Variants in SLC2A13 observed in about 807,000 individuals in gnomAD.
The protein encoded by SLC2A13 is solute carrier family 2 member 13.
Under a neutral mutation model 64.4 loss-of-function variants are expected in SLC2A13, and 32 were observed. That is an observed-to-expected ratio of 0.50 (90% CI 0.37 to 0.67). The LOEUF (loss-of-function observed/expected upper bound fraction) is 0.67, where lower values mean the gene tolerates loss of function less well. SLC2A13 is among the 30% of genes least tolerant of loss of function. The probability of loss-of-function intolerance (pLI) is 0.00; values close to 1 mark genes in which losing one functional copy is unlikely to be tolerated. For missense variants in SLC2A13, 743 were observed against 829.2 expected, an observed-to-expected ratio of 0.90 and a Z score of 1.28; for synonymous variants, 338 against 327.1, an observed-to-expected ratio of 1.03 and a Z score of -0.36.
chr12:39,959,479 C>T (rs1368898842), intron 3 of SLC2A13, among the ~76,000 whole-genome samples: 4 of 152,162 alleles, frequency 2.6e-5, no homozygotes, highest in Non-Finnish European at 5.9e-5. Flanking sequence ...ATTATTATTC[C>T]AGGTTGCTAA....
intron 7 of SLC2A13, among the ~76,000 whole-genome samples, chr12:39,827,187 A>C (rs1446679745): frequency 6.6e-6 from 1 of 151,584 alleles, no homozygotes; most frequent in Non-Finnish European, 1.5e-5. Flanking sequence ...CTTTTCATTC[A>C]ATTTATTTAT....
chr12:39,956,700 C>T (rs1946318995), intron 3 of SLC2A13, among the ~76,000 whole-genome samples: 1 of 152,130 alleles, frequency 6.6e-6, no homozygotes, highest in Non-Finnish European at 1.5e-5. Context: ...AATGATGAAG[C>T]CCCCTTAACA....
intron 2 of SLC2A13, 40 bp from the exon 3 acceptor site, chr12:40,028,549 T>C (rs759554709): frequency 1.7e-4 from 267 of 1,602,238 alleles, no homozygotes; most frequent in Non-Finnish European, 1.9e-4. Context: ...TAAAATTTGC[T>C]CTTACCATCA....
At position 40,028,346 on chromosome 12, in the gene SLC2A13, T is replaced by C; in HGVS notation, c.880A>G (p.Ser294Gly). The C allele has an allele frequency of 6.2e-7, 1 of 1,614,072 alleles. No homozygotes were observed. Among genetic ancestry groups the C allele is most frequent in the Non-Finnish European group, 8.5e-7 (1 of 1,179,980 alleles). The change falls in exon 3 of 10, where the codon AGC (serine) becomes GGC (glycine). Residue 294 changes from serine to glycine, a missense_variant. Physicochemically the swap from Ser to Gly is moderately conservative, Grantham distance 56. Transcript: ENST00000280871. ...TCCTCTTCAATGTTGTTTTTGATGC[T>C]ATCATATTCCTCATCAATGGTCTGG... is the stretch of plus-strand genomic sequence containing the variant. ...GNQTIDEEYD[S>G]IKNNIEEEEK...
chr12:39,860,015 C>T (rs1943714761), intron 6 of SLC2A13, among the ~76,000 whole-genome samples: 1 of 152,024 alleles, frequency 6.6e-6, no homozygotes, highest in South Asian at 2.1e-4. Flanking sequence ...TGTCCTTGGT[C>T]CAAAGCAAGA....
intron 3 of SLC2A13, among the ~76,000 whole-genome samples, chr12:39,959,773 A>G (rs1262676339): frequency 6.6e-6 from 1 of 152,152 alleles, no homozygotes; most frequent in Non-Finnish European, 1.5e-5. Flanking sequence ...TTATTTAAAA[A>G]GAGGAAGTAT....
chr12:39,969,326 T>G (rs889771972), intron 3 of SLC2A13, among the ~76,000 whole-genome samples: 67 of 152,174 alleles, frequency 4.4e-4, no homozygotes, highest in African/African-American at 1.4e-3. Flanking sequence ...GTAATGGGAT[T>G]GCTGGGTCAA....
At chr12:40,011,874 G>A (rs1303686863) in intron 3 of SLC2A13, among the ~76,000 whole-genome samples, 5 of 152,184 alleles carry the variant, frequency 3.3e-5, no homozygotes, top group African/African-American at 4.8e-5. Context: ...TGACAGAAGA[G>A]GATTAAACCA....
Position 39,972,988 on chromosome 12 carries a change from AC to A in SLC2A13, c.926-21624del, listed in dbSNP as rs574311667. 8.2e-3 allele frequency among the ~76,000 whole-genome samples: 1,240 copies of A among 152,088 alleles called. 6 individuals carry two copies. Among genetic ancestry groups the A allele is most frequent in the Non-Finnish European group, 0.013 (917 of 67,984 alleles). On this transcript the variant is annotated intron_variant, in intron 3 of 9. Transcript: ENST00000280871. ...AGGCTGAGGCAGGAGAATTGCTTGA[AC>A]CTGGCAGGTGGAGTCTGCAGTGAGC... is the stretch of plus-strand genomic sequence containing the variant.
intron 4 of SLC2A13, among the ~76,000 whole-genome samples, chr12:39,895,750 G>A (rs1417456697): frequency 2.4e-5 from 2 of 84,822 alleles, no homozygotes; most frequent in Admixed American, 1.3e-4. Context: ...ACATGTATAT[G>A]CGTGTATACG....
At chr12:40,090,445 T>C (rs1222525942) in intron 1 of SLC2A13, among the ~76,000 whole-genome samples, 1 of 152,198 alleles carries the variant, frequency 6.6e-6, no homozygotes, top group Non-Finnish European at 1.5e-5. Flanking sequence ...TGAGTTTATG[T>C]CTATAAATCA....
At chr12:40,060,539 G>A (rs2136251343) in intron 1 of SLC2A13, among the ~76,000 whole-genome samples, 1 of 152,194 alleles carries the variant, frequency 6.6e-6, no homozygotes, top group Non-Finnish European at 1.5e-5. Context: ...TACAAAAGTA[G>A]GAAACAAGAA....
At chr12:39,773,572 A>G (rs1165847154) in intron 7 of SLC2A13, among the ~76,000 whole-genome samples, 1 of 152,244 alleles carries the variant, frequency 6.6e-6, no homozygotes, top group Admixed American at 6.5e-5. Flanking sequence ...CCTAAGAAAT[A>G]ACCAAAGGAA....
intron 7 of SLC2A13, among the ~76,000 whole-genome samples, chr12:39,776,221 C>A (rs1940770849): frequency 6.6e-6 from 1 of 151,834 alleles, no homozygotes; most frequent in African/African-American, 2.4e-5. Context: ...TGTGCGGTTC[C>A]TTCATATTGA....
intron 3 of SLC2A13, among the ~76,000 whole-genome samples, chr12:39,972,592 T>G (rs1946683443): frequency 6.6e-6 from 1 of 152,134 alleles, no homozygotes; most frequent in African/African-American, 2.4e-5. Context: ...CCTATAATTA[T>G]CTCTCCCTCA....
At chr12:39,946,295 C>T (rs61931460) in intron 4 of SLC2A13, among the ~76,000 whole-genome samples, 4,419 of 152,264 alleles carry the variant, frequency 0.029, 106 homozygotes, top group Middle Eastern at 0.054. Context: ...CATGAGGGTT[C>T]TTAATTTTGG....
chr12:40,105,551 G>C lies in SLC2A13; in HGVS notation c.258C>G (p.Val86=), dbSNP rs1459950893. Residue 86 remains valine (V), a synonymous_variant, in exon 1 of 10, where the codon GTC becomes GTG. Transcript: ENST00000280871. This position sits in a 1 kb window ranked among gnomAD's most constrained non-coding sequence, Gnocchi z 4.2. The part of the protein sequence containing the change: ...ETPAFVYVVA[V]FSALGGFLFG... Reference sequence around the variant, plus strand: ...ACAGGAAGCCGCCCAGCGCGGAGAAGACGGCCACCACGTACACGAAGGCGG... The same window carrying C: ...ACAGGAAGCCGCCCAGCGCGGAGAACACGGCCACCACGTACACGAAGGCGG... The C allele has an allele frequency of 1.3e-6, 2 of 1,579,238 alleles. No homozygotes were observed. Among genetic ancestry groups the C allele is most frequent in the Non-Finnish European group, 1.7e-6 (2 of 1,165,452 alleles).
At chr12:39,906,360 G>A (rs1239188184) in intron 4 of SLC2A13, among the ~76,000 whole-genome samples, 1 of 152,056 alleles carries the variant, frequency 6.6e-6, no homozygotes, top group Non-Finnish European at 1.5e-5. Context: ...TCCTCCTGCT[G>A]TTTATGGGGA....
chr12:39,873,383 T>TA (rs1453474216), intron 4 of SLC2A13, among the ~76,000 whole-genome samples: 9 of 152,206 alleles, frequency 5.9e-5, no homozygotes, highest in Non-Finnish European at 8.8e-5. Context: ...TGTGCAGTGT[T>TA]TTATAGTTTC....
Sources: gnomAD v4.1 joint callset for allele counts (sites outside exome capture counted in the v4.1 genomes callset) on GRCh38, gnomAD v4.1.1 for gene constraint, Gnocchi (gnomAD v3.1) non-coding constraint, MANE v1.5 for transcripts, NCBI Gene and HGNC (gene_info 2026-07-23, HGNC 2026-07-21) for gene names.